ARID1A: variants seen among roughly 807,000 people sequenced by gnomAD.
ARID1A encodes the protein AT-rich interactive domain-containing protein 1A.
ARID1A carries 20 observed loss-of-function variants against 212.6 expected under a neutral mutation model. The observed-to-expected ratio is 0.09, with a 90% CI of 0.07 to 0.14. The LOEUF is 0.14. ARID1A is among the 10% of genes least tolerant of loss of function. ARID1A has a pLI of 1.00. For missense variants in ARID1A, 2,587 were observed against 3,059.0 expected (o/e 0.85, Z 3.64); for synonymous variants, 1,376 against 1,222.1 (o/e 1.13, Z -2.63).
At position 26,740,221 on chromosome 1, in the gene ARID1A, C is replaced by G. The variant is rs566095657; in HGVS notation, c.1920+7429C>G. Among the ~76,000 whole-genome samples, 23 of 152,266 alleles carry G rather than the reference C, an allele frequency of 1.5e-4. No individual in the cohort carries two copies. The South Asian group carries it at 4.8e-3, about 32-fold the overall frequency. On this transcript the variant is annotated intron_variant, in intron 4 of 19. Coordinates refer to ENST00000324856, the MANE Select transcript of ARID1A (RefSeq NM_006015.6). ...AAACAGACATTTGACAAGGGTTGAACTTGTGTGACTTCTGAGGTCATTTGA... is the reference window on the plus strand; with the variant it reads ...AAACAGACATTTGACAAGGGTTGAAGTTGTGTGACTTCTGAGGTCATTTGA...
chr1:26,729,260 T>C (rs1161786314), intron 1 of ARID1A: 4 of 215,900 alleles, frequency 1.9e-5, no homozygotes, highest in Non-Finnish European at 2.9e-5. Flanking sequence ...TGTTTGTGTA[T>C]TTGAATTCCC....
At chr1:26,748,608 C>CTTTTT (rs36087588) in intron 4 of ARID1A, among the ~76,000 whole-genome samples, 28 of 117,672 alleles carry the variant, frequency 2.4e-4, no homozygotes, top group African/African-American at 3.2e-4. Flanking sequence ...GACCCAGATT[C>CTTTTT]TTTTTTTTTT....
At position 26,772,703 on chromosome 1, in the gene ARID1A, C is replaced by T. The variant is rs970795307; in HGVS notation, c.3539+71C>T. ...TAAGTGCATGGGAACTCCTTGCAGC[C>T]CAAGGTGGTCCTTGCCTCTGCCTTC... On this transcript the variant is annotated intron_variant, in intron 13 of 19. Transcript: ENST00000324856. The T allele has an allele frequency of 3.1e-6, 5 of 1,609,894 alleles. No individual in the cohort carries two copies. The African/African-American group carries it at 5.3e-5, about 17-fold the overall frequency.
intron 11 of ARID1A, chr1:26,770,790 T>C (rs1026566935): frequency 1.5e-5 from 4 of 265,572 alleles, no homozygotes; most frequent in Non-Finnish European, 2.9e-5. Flanking sequence ...AAAATAGGAT[T>C]TAGATATCCA....
At chr1:26,764,124 C>T (rs1285602632) in intron 8 of ARID1A, 6 of 152,104 alleles carry the variant, frequency 3.9e-5, no homozygotes, top group Non-Finnish European at 7.4e-5. Flanking sequence ...CACCCGCCAC[C>T]ATGCCCTGCT....
chr1:26,732,929 G>T, intron 4 of ARID1A, 137 bp downstream of exon 4: 1 of 725,734 alleles, frequency 1.4e-6, no homozygotes, highest in Non-Finnish European at 2.3e-6. Context: ...GAACTTAAAG[G>T]CTGACTTGTA....
chr1:26,709,190 G>T (rs1019759749), intron 1 of ARID1A, among the ~76,000 whole-genome samples: 1 of 152,116 alleles, frequency 6.6e-6, no homozygotes, highest in African/African-American at 2.4e-5. Context: ...TGAAGCTATG[G>T]TAAATATTAG....
rs2080852060 is a variant in ARID1A at position 26,747,826 on chromosome 1, G to C, written c.1921-13030G>C. The stretch of plus-strand genomic sequence containing the variant: ...GCTTGCACGACTGCACTCCAGCCTG[G>C]GTGACAGAGCAAGACCCTATCTGAA... On this transcript the variant is annotated intron_variant, in intron 4 of 19. Transcript: ENST00000324856. Among the ~76,000 whole-genome samples the C allele has an allele frequency of 2.0e-5, 3 of 152,158 alleles. No homozygotes were observed. In the South Asian group the frequency reaches 6.2e-4, roughly 32 times the overall value.
chr1:26,734,128 T>C (rs987151561), intron 4 of ARID1A, among the ~76,000 whole-genome samples: 23 of 152,352 alleles, frequency 1.5e-4, no homozygotes, highest in African/African-American at 5.3e-4. Context: ...AATCCTTTTC[T>C]GCATCCTGAA....
rs1278984957 is a variant in ARID1A, at chr1:26,771,013, G to C, written c.3199-106G>C. ...TAACTTTTTCAATTACCTAAGAACT[G>C]TGGTTCTACAAAGATGAATACCTTA... On this transcript the variant is annotated intron_variant, in intron 11 of 19. Transcript: ENST00000324856. This position sits in a 1 kb window ranked among gnomAD's most constrained non-coding sequence, Gnocchi z 5.4. 1 of 986,966 alleles carries C rather than the reference G, an allele frequency of 1.0e-6. No homozygotes were observed. The highest frequency in any genetic ancestry group is 1.5e-6 in the Non-Finnish European group (1 of 646,642). The allele number at this position is 986,966 out of a possible 1,614,324, so 61.1% of individuals were successfully genotyped here.
intron 5 of ARID1A, 124 bp from the exon 6 acceptor site, chr1:26,761,259 CT>C: frequency 6.9e-7 from 1 of 1,455,628 alleles, no homozygotes; most frequent in South Asian, 1.3e-5. Context: ...GGCTGGATCT[CT>C]TTGTGTGTGA....
At chr1:26,777,156 C>T (rs2081144064) in intron 19 of ARID1A, among the ~76,000 whole-genome samples, 1 of 152,154 alleles carries the variant, frequency 6.6e-6, no homozygotes, top group South Asian at 2.1e-4. Context: ...CCTCAAACTC[C>T]TGGGCTCAAG....
At chr1:26,748,005 TTCTA>T (rs544389710) in intron 4 of ARID1A, among the ~76,000 whole-genome samples, 8 of 152,356 alleles carry the variant, frequency 5.3e-5, no homozygotes, top group Middle Eastern at 3.4e-3. Context: ...TGGTTTAAGA[TTCTA>T]TCCATTTCTC....
At position 26,780,988 on chromosome 1, in the gene ARID1A, C is replaced by T; in HGVS notation, c.*232C>T. On this transcript the variant is annotated 3_prime_UTR_variant, in exon 20 of 20. Coordinates refer to ENST00000324856, the MANE Select transcript of ARID1A (RefSeq NM_006015.6). The surrounding 1 kb of genome is among the most constrained non-coding windows in gnomAD (Gnocchi z 7.2). ...GTCCTCACCTTACTCCCCTCAGGAC[C>T]CTACCCCACCCTCTTTGAAAAGACA... The T allele has an allele frequency of 2.2e-6, 1 of 453,270 alleles. No homozygotes were observed. The highest frequency in any genetic ancestry group is 3.8e-6 in the Non-Finnish European group (1 of 263,760). 28.1% of individuals were successfully genotyped at this position (453,270 alleles called of 1,614,324 possible). A position where few individuals can be genotyped will look rare whatever the true frequency, so the allele number is the denominator to read the frequency against.
At position 26,772,398 on chromosome 1, in the gene ARID1A, G is replaced by A. The variant is rs925388429; in HGVS notation, c.3407-102G>A. On this transcript the variant is annotated intron_variant, in intron 12 of 19. Coordinates refer to ENST00000324856, the MANE Select transcript of ARID1A (RefSeq NM_006015.6). ...GGGTGATCAGGCTTTAAAGGCCTTA[G>A]GAAGAACTTTCCCAAAGAGATTCTG... 3.2e-6 allele frequency: 5 copies of A among 1,552,442 alleles called. No individual in the cohort carries two copies. In the Admixed American group the frequency reaches 7.0e-5, roughly 22 times the overall value.
intron 1 of ARID1A, among the ~76,000 whole-genome samples, chr1:26,710,580 G>A (rs1344476543): frequency 6.7e-6 from 1 of 150,170 alleles, no homozygotes; most frequent in Non-Finnish European, 1.5e-5. Flanking sequence ...TCTCAGTGTG[G>A]TCCCTAGCCA....
At chr1:26,741,855 G>A (rs557194753) in intron 4 of ARID1A, among the ~76,000 whole-genome samples, 1 of 152,268 alleles carries the variant, frequency 6.6e-6, no homozygotes, top group South Asian at 2.1e-4. Flanking sequence ...GCTCTCAGAC[G>A]CTGAGATCTT....
rs1413156671 is a variant in ARID1A at position 26,697,174 on chromosome 1, C to T, written c.771C>T (p.Ala257=). Residue 257 remains alanine (A), a synonymous_variant, in exon 1 of 20, where the codon GCC becomes GCT. Transcript: ENST00000324856. ...CCAAGCCGCCTCCCTCCTCCAGCGC[C>T]TCCGCCTCCTCGTCGTCTTCGTCCT... ...AGSKPPPSSS[A]SASSSSSSFA... is the part of the protein sequence containing the mutation. 2.8e-6 allele frequency: 4 copies of T among 1,432,550 alleles called. No individual in the cohort carries two copies. Among genetic ancestry groups the T allele is most frequent in the South Asian group, 1.5e-5 (1 of 66,920 alleles). 88.7% of individuals were successfully genotyped at this position (1,432,550 alleles called of 1,614,324 possible).
Position 26,774,749 on chromosome 1 carries a change from T to A in ARID1A, c.4522T>A (p.Tyr1508Asn), listed in dbSNP as rs2124120165. 6.2e-7 allele frequency: 1 copy of A among 1,614,186 alleles called. No individual in the cohort carries two copies. Among genetic ancestry groups the A allele is most frequent in the Non-Finnish European group, 8.5e-7 (1 of 1,180,044 alleles). The change falls in exon 18 of 20, where the codon TAT becomes AAT. Residue 1508 changes from tyrosine (Y) to asparagine (N), a missense_variant. Coordinates refer to ENST00000324856, the MANE Select transcript of ARID1A (RefSeq NM_006015.6). The surrounding 1 kb of genome is among the most constrained non-coding windows in gnomAD (Gnocchi z 5.6). ...GGGGCGTAATGACATGACCTATAAT[T>A]ATGCCAACAGGCAGAGCACGGGCTC... Reference protein sequence around the residue: ...WQGRNDMTYNYANRQSTGSAP... With the variant: ...WQGRNDMTYNNANRQSTGSAP...
Sources: allele counts gnomAD v4.1 joint callset (sites outside exome capture counted in the v4.1 genomes callset), GRCh38; gene constraint gnomAD v4.1.1; non-coding constraint Gnocchi (gnomAD v3.1); transcripts MANE v1.5; gene names NCBI Gene and HGNC (gene_info 2026-07-23, HGNC 2026-07-21).